The following KCNQ1 variants were observed in gnomAD, a reference collection of about 807,000 sequenced individuals.
The protein encoded by KCNQ1 is potassium voltage-gated channel subfamily Q member 1, also known as potassium voltage-gated channel subfamily KQT member 1.
KCNQ1 carries 49 observed loss-of-function variants against 72.4 expected under a neutral mutation model. That is an observed-to-expected ratio of 0.68 (90% CI 0.54 to 0.86). The LOEUF (loss-of-function observed/expected upper bound fraction) is 0.86. Ranked by LOEUF, KCNQ1 falls within the 40% of genes least tolerant of loss-of-function variation. KCNQ1 has a pLI of 0.00. For missense variants in KCNQ1, 790 were observed against 945.1 expected (o/e 0.84, Z 2.15); for synonymous variants, 450 against 412.6 (o/e 1.09, Z -1.10).
chr11:2,589,340 C>G (rs1361508370), intron 10 of KCNQ1, among the ~76,000 whole-genome samples: 1 of 152,134 alleles, frequency 6.6e-6, no homozygotes, highest in African/African-American at 2.4e-5. Context: ...CCAGGGGCCC[C>G]GAGTCTGTGC....
chr11:2,529,198 G>A (rs1035102568), intron 2 of KCNQ1, among the ~76,000 whole-genome samples: 1 of 152,156 alleles, frequency 6.6e-6, no homozygotes, highest in Non-Finnish European at 1.5e-5. Flanking sequence ...GTCTGCTTTG[G>A]GGTTTTTCTA....
chr11:2,733,204 A>G lies in KCNQ1; in HGVS notation c.1515-35640A>G, dbSNP rs373884062. On this transcript the variant is annotated intron_variant, in intron 11 of 15. Coordinates refer to ENST00000155840, the MANE Select transcript of KCNQ1 (RefSeq NM_000218.3). ...GCCCTGAGCTCTGAGATCCACTCCC[A>G]CCCCCACCCCCACCCCCAGGCCTCT... 6.8e-3 allele frequency among the ~76,000 whole-genome samples: 371 copies of G among 54,722 alleles called. 2 individuals are homozygous for G. Among genetic ancestry groups the G allele is most frequent in the African/African-American group, 0.024 (345 of 14,552 alleles). 35.9% of individuals were successfully genotyped at this position (54,722 alleles called of 152,430 possible). A position where few individuals can be genotyped will look rare whatever the true frequency, so the allele number is the denominator to read the frequency against.
rs1030295158 is a variant in KCNQ1, at chr11:2,566,978, G to A, written c.478-3650G>A. 6.6e-6 allele frequency among the ~76,000 whole-genome samples: 1 copy of A among 150,524 alleles called. No individual in the cohort carries two copies. The highest frequency in any genetic ancestry group is 1.5e-5 in the Non-Finnish European group (1 of 67,560). On this transcript the variant is annotated intron_variant, in intron 2 of 15. Transcript: ENST00000155840. The surrounding 1 kb of genome is among the most constrained non-coding windows in gnomAD (Gnocchi z 6.7). The stretch of plus-strand genomic sequence containing the variant: ...TGAGAAGGGTGGGGTAACCTAGGGG[G>A]TGGAGTGGGGGAGGGAGAGAGCACT...
At position 2,652,669 on chromosome 11, in the gene KCNQ1, G is replaced by A. The variant is rs1029712296; in HGVS notation, c.1394-9292G>A. 7.5e-6 allele frequency: 3 copies of A among 398,590 alleles called. No homozygotes were observed. The highest frequency in any genetic ancestry group is 3.6e-5 in the East Asian group (1 of 28,078). The allele number at this position is 398,590 out of a possible 1,614,324, so 24.7% of individuals were successfully genotyped here. ...TGCAGCATGGAGACCCGGGTGGGTC[G>A]ATTTTAGTTGTGTGGGTGGCTGTGT... On this transcript the variant is annotated intron_variant, in intron 10 of 15. Transcript: ENST00000155840. The surrounding 1 kb of genome is among the most constrained non-coding windows in gnomAD (Gnocchi z 5.9).
In KCNQ1 at chr11:2,445,479, C is replaced by A. The variant is rs199472682; in HGVS notation, c.381C>A (p.Phe127Leu). The A allele has an allele frequency of 6.3e-7, 1 of 1,594,964 alleles. No homozygotes were observed. Among genetic ancestry groups the A allele is most frequent in the Non-Finnish European group, 8.5e-7 (1 of 1,178,764 alleles). ...GCTGGAAATGCTTCGTTTACCACTT[C>A]GCCGTGTGAGTATCGCCACCGGCGA... Reference protein sequence around the residue: ...PTGWKCFVYHFAVFLIVLVCL... With the variant: ...PTGWKCFVYHLAVFLIVLVCL... Residue 127 changes from phenylalanine to leucine, a missense_variant, in exon 1 of 16, where the codon TTC becomes TTA. By Grantham distance (22) the Phe-to-Leu change is conservative (BLOSUM62 0). This residue lies in a region of KCNQ1 where 294 missense variants were observed against 323.3 expected (regional missense o/e 0.91). Coordinates refer to ENST00000155840, the MANE Select transcript of KCNQ1 (RefSeq NM_000218.3).
intron 2 of KCNQ1, among the ~76,000 whole-genome samples, chr11:2,558,412 G>A (rs1368109903): frequency 1.3e-5 from 2 of 150,950 alleles, no homozygotes; most frequent in African/African-American, 5.0e-5. Context: ...TCAGTGTGCT[G>A]GGGGTCTCCA....
chr11:2,755,406 G>A (rs190186786), intron 11 of KCNQ1, among the ~76,000 whole-genome samples: 307 of 152,156 alleles, frequency 2.0e-3, no homozygotes, highest in African/African-American at 6.6e-3. Context: ...ACGTGCCACC[G>A]CGCCTGGCTA....
chr11:2,699,093 C>T (rs182342351), intron 11 of KCNQ1: 25 of 398,626 alleles, frequency 6.3e-5, no homozygotes, highest in Admixed American at 8.8e-5. Context: ...AACTTCCATC[C>T]CAATAGCGCG....
chr11:2,599,554 T>C lies in KCNQ1; in HGVS notation c.1393+10700T>C, dbSNP rs1235340743. 6.6e-6 allele frequency among the ~76,000 whole-genome samples: 1 copy of C among 152,246 alleles called. No individual in the cohort carries two copies. Among genetic ancestry groups the C allele is most frequent in the African/African-American group, 2.4e-5 (1 of 41,468 alleles). On this transcript the variant is annotated intron_variant, in intron 10 of 15. Coordinates refer to ENST00000155840, the MANE Select transcript of KCNQ1 (RefSeq NM_000218.3). The surrounding 1 kb of genome is among the most constrained non-coding windows in gnomAD (Gnocchi z 4.7). ...AACTTTCCAGGATGTATTAGTTTGC[T>C]AGGACTGCCATAACAAAATACCACA...
intron 15 of KCNQ1, among the ~76,000 whole-genome samples, chr11:2,811,162 A>G (rs1847478310): frequency 6.6e-6 from 1 of 151,816 alleles, no homozygotes; most frequent in African/African-American, 2.4e-5. Context: ...AGCCTGTCAC[A>G]CCCCTGTACA....
At position 2,768,785 on chromosome 11, in the gene KCNQ1, T is replaced by G; in HGVS notation, c.1515-59T>G. 1 of 1,321,684 alleles carries G rather than the reference T, an allele frequency of 7.6e-7. No homozygotes were observed. Among genetic ancestry groups the G allele is most frequent in the Non-Finnish European group, 1.1e-6 (1 of 913,324 alleles). 81.9% of individuals were successfully genotyped at this position (1,321,684 alleles called of 1,614,324 possible). A position where few individuals can be genotyped will look rare whatever the true frequency, so the allele number is the denominator to read the frequency against. ...TGCTCCTCAGGCAGTGCAGGGGCAG[T>G]GAGGGGATGACCAGCACAGGGTGGC... On this transcript the variant is annotated intron_variant, in intron 11 of 15. Coordinates refer to ENST00000155840, the MANE Select transcript of KCNQ1 (RefSeq NM_000218.3). The surrounding 1 kb of genome is among the most constrained non-coding windows in gnomAD (Gnocchi z 6.7).
chr11:2,700,297 G>A (rs943412386), intron 11 of KCNQ1, among the ~76,000 whole-genome samples: 2 of 152,162 alleles, frequency 1.3e-5, no homozygotes, highest in African/African-American at 4.8e-5. Flanking sequence ...CCGGGGGCCG[G>A]GGCCAGCGCC....
chr11:2,677,947 G>A lies in KCNQ1; in HGVS notation c.1514+15866G>A. 2.5e-6 allele frequency: 1 copy of A among 398,510 alleles called. No homozygotes were observed. The highest frequency in any genetic ancestry group is 4.4e-6 in the Non-Finnish European group (1 of 226,030). 24.7% of individuals were successfully genotyped at this position (398,510 alleles called of 1,614,324 possible). A position where few individuals can be genotyped will look rare whatever the true frequency, so the allele number is the denominator to read the frequency against. ...TCATTCATTTCATAGATGAGAAATG[G>A]TACACTGGAGCTTTAATTTACATTT... On this transcript the variant is annotated intron_variant, in intron 11 of 15. Transcript: ENST00000155840. This position sits in a 1 kb window ranked among gnomAD's most constrained non-coding sequence, Gnocchi z 4.5.
At chr11:2,789,087 C>T (rs1044310727) in intron 15 of KCNQ1, among the ~76,000 whole-genome samples, 2 of 152,204 alleles carry the variant, frequency 1.3e-5, no homozygotes, top group African/African-American at 4.8e-5. Flanking sequence ...AAGGCCACCC[C>T]TGGAACCAGG....
In KCNQ1 at chr11:2,456,956, A is replaced by ACC. The variant is rs1336315482; in HGVS notation, c.386+11472_386+11473insCC. On this transcript the variant is annotated intron_variant, in intron 1 of 15. Coordinates refer to ENST00000155840, the MANE Select transcript of KCNQ1 (RefSeq NM_000218.3). ...TCGGTCTCAAAAAAAAAAAAAAAAA[A>ACC]AAAAAAAAACCCAAAAAAACAAAAA... Among the ~76,000 whole-genome samples, 33 of 106,202 alleles carry ACC rather than the reference A, an allele frequency of 3.1e-4. 6 individuals carry two copies. The highest frequency in any genetic ancestry group is 1.4e-3 in the African/African-American group (28 of 20,520). 69.7% of individuals were successfully genotyped at this position (106,202 alleles called of 152,430 possible). A position where few individuals can be genotyped will look rare whatever the true frequency, so the allele number is the denominator to read the frequency against.
In KCNQ1 at chr11:2,679,964, G is replaced by A. The variant is rs1008894888; in HGVS notation, c.1514+17883G>A. The A allele has an allele frequency of 5.0e-6, 2 of 397,088 alleles. No homozygotes were observed. The highest frequency in any genetic ancestry group is 4.1e-5 in the African/African-American group (2 of 48,490). 24.6% of individuals were successfully genotyped at this position (397,088 alleles called of 1,614,324 possible). A position where few individuals can be genotyped will look rare whatever the true frequency, so the allele number is the denominator to read the frequency against. Reference sequence around the variant, plus strand: ...GCGGGAATGCAGTGGCACAGTCTCGGCTTACTGCAACCTCTACCTCCTGGG... The same window carrying A: ...GCGGGAATGCAGTGGCACAGTCTCGACTTACTGCAACCTCTACCTCCTGGG... On this transcript the variant is annotated intron_variant, in intron 11 of 15. Transcript: ENST00000155840. This position sits in a 1 kb window ranked among gnomAD's most constrained non-coding sequence, Gnocchi z 4.8.
intron 1 of KCNQ1, among the ~76,000 whole-genome samples, chr11:2,519,272 T>G (rs898335693): frequency 6.6e-6 from 1 of 152,214 alleles, no homozygotes; most frequent in African/African-American, 2.4e-5. Context: ...CTCTCCAACA[T>G]GACAGGGTTC....
intron 8 of KCNQ1, 106 bp from the exon 9 acceptor site, chr11:2,587,464 G>A (rs963891616): frequency 4.4e-5 from 67 of 1,526,490 alleles, no homozygotes; most frequent in Admixed American, 1.7e-5. Context: ...GCCACCCAGA[G>A]GGGAGGGGCC....
intron 1 of KCNQ1, among the ~76,000 whole-genome samples, chr11:2,503,602 A>G (rs2133648172): frequency 6.6e-6 from 1 of 152,098 alleles, no homozygotes; most frequent in African/African-American, 2.4e-5. Flanking sequence ...ATGACGAGTT[A>G]ATGGGTGCAG....
Sources: allele counts gnomAD v4.1 joint callset (sites outside exome capture counted in the v4.1 genomes callset), GRCh38; gene constraint gnomAD v4.1.1; regional missense constraint gnomAD v4.1.1; non-coding constraint Gnocchi (gnomAD v3.1); transcripts MANE v1.5; gene names NCBI Gene and HGNC (gene_info 2026-07-23, HGNC 2026-07-21).